DPP4: variants seen among roughly 807,000 people sequenced by gnomAD.
The protein encoded by DPP4 is dipeptidyl peptidase 4, also known as ADCP-2.
A neutral mutation model predicts 122.4 loss-of-function variants in DPP4; 93 were observed. The observed-to-expected ratio is 0.76, with a 90% confidence interval of 0.64 to 0.90. The LOEUF (loss-of-function observed/expected upper bound fraction) is 0.90. Among genes scored for constraint, DPP4 ranks in the 40% least tolerant of loss-of-function variants. The probability of loss-of-function intolerance (pLI) is 0.00; values close to 1 mark genes in which losing one functional copy is unlikely to be tolerated. For synonymous variants in DPP4, 321 were observed against 302.9 expected (o/e 1.06, Z -0.62); for missense variants, 914 against 907.3 (o/e 1.01, Z -0.09).
At chr2:162,032,594 G>A (rs917229624) in intron 10 of DPP4, among the ~76,000 whole-genome samples, 2 of 151,906 alleles carry the variant, frequency 1.3e-5, no homozygotes, top group African/African-American at 2.4e-5. Context: ...CAGGAGAATC[G>A]CTTGAACCTG....
intron 23 of DPP4, among the ~76,000 whole-genome samples, chr2:162,000,894 C>A (rs868218810): frequency 6.6e-6 from 1 of 152,164 alleles, no homozygotes; most frequent in African/African-American, 2.4e-5. Flanking sequence ...TATGTCCTGT[C>A]TTCTTGGCCA....
At chr2:162,017,073 T>C (rs1576041534) in intron 17 of DPP4, 35 bp downstream of exon 17, 1 of 1,598,038 alleles carries the variant, frequency 6.3e-7, no homozygotes, top group Non-Finnish European at 8.5e-7. Flanking sequence ...CACACTTTCT[T>C]AGAAACAAAT....
Position 162,009,302 on chromosome 2 carries a change from C to T in DPP4, c.1833-7G>A, listed in dbSNP as rs1576037156. 6.2e-7 allele frequency: 1 copy of T among 1,613,540 alleles called. No homozygotes were observed. Among genetic ancestry groups the T allele is most frequent in the East Asian group, 2.2e-5 (1 of 44,856 alleles). On this transcript the variant is annotated splice_polypyrimidine_tract_variant and splice_region_variant and intron_variant, in intron 20 of 25. Coordinates refer to ENST00000360534, the MANE Select transcript of DPP4 (RefSeq NM_001935.4). ...TCCCATTTTTGAAAATTGTCTAAAA[C>T]ACAAGGAAAAAGTCCACAGATCAGT...
In DPP4 at chr2:161,995,069, T is replaced by G; in HGVS notation, c.2126-35A>C. 3 of 1,609,344 alleles carry G rather than the reference T, an allele frequency of 1.9e-6. No homozygotes were observed. The South Asian group carries it at 3.3e-5, about 18-fold the overall frequency. On this transcript the variant is annotated intron_variant, in intron 24 of 25. Coordinates refer to ENST00000360534, the MANE Select transcript of DPP4 (RefSeq NM_001935.4). ...GAGAAAGGAAACATAAAGTAGCTAATAGCCACTCCAGTTTTCTGGTACCAA... is the reference window on the plus strand; with the variant it reads ...GAGAAAGGAAACATAAAGTAGCTAAGAGCCACTCCAGTTTTCTGGTACCAA...
intron 9 of DPP4, among the ~76,000 whole-genome samples, chr2:162,033,889 T>TATATATATATATATAC (rs1302435212): frequency 7.0e-6 from 1 of 142,460 alleles, no homozygotes; most frequent in Admixed American, 6.9e-5. Flanking sequence ...TATATATATA[T>TATATATATATATATAC]ATATACACAC....
At chr2:162,041,582 T>A (rs1283365194) in intron 5 of DPP4, among the ~76,000 whole-genome samples, 4 of 152,184 alleles carry the variant, frequency 2.6e-5, no homozygotes. Context: ...CATACATTCC[T>A]TTCTTGAATC....
chr2:162,010,561 T>C (rs966502999), intron 20 of DPP4, among the ~76,000 whole-genome samples: 2 of 152,156 alleles, frequency 1.3e-5, no homozygotes, highest in Admixed American at 6.5e-5. Flanking sequence ...GGGTTGTATA[T>C]AGTAGATCCT....
At chr2:161,998,327 T>C (rs1701056853) in intron 23 of DPP4, among the ~76,000 whole-genome samples, 1 of 152,200 alleles carries the variant, frequency 6.6e-6, no homozygotes, top group South Asian at 2.1e-4. Context: ...GGTGCCCCCA[T>C]GTGAGTCCTC....
intron 5 of DPP4, among the ~76,000 whole-genome samples, chr2:162,042,047 T>A (rs1361781166): frequency 1.3e-5 from 2 of 152,138 alleles, no homozygotes; most frequent in Non-Finnish European, 2.9e-5. Context: ...AGAGGGTGAC[T>A]GGGAAAGAGT....
In DPP4 at chr2:162,037,748, T is replaced by TAA. The variant is rs752356109; in HGVS notation, c.613+552_613+553dup. 3.3e-5 allele frequency among the ~76,000 whole-genome samples: 5 copies of TAA among 152,190 alleles called. No individual in the cohort carries two copies. In the East Asian group the frequency reaches 9.6e-4, roughly 29 times the overall value. Reference sequence around the variant, plus strand: ...TCCTAAAAGGGAGAATATTCCTTTTTAACTTTTTTAGTTTTATTAGTCACT... The same window carrying TAA: ...TCCTAAAAGGGAGAATATTCCTTTTTAAAACTTTTTTAGTTTTATTAGTCACT... On this transcript the variant is annotated intron_variant, in intron 8 of 25. Coordinates refer to ENST00000360534, the MANE Select transcript of DPP4 (RefSeq NM_001935.4).
intron 21 of DPP4, 51 bp from the exon 22 acceptor site, chr2:162,008,712 TG>T (rs1238364022): frequency 6.6e-7 from 1 of 1,507,160 alleles, no homozygotes; most frequent in Non-Finnish European, 9.2e-7. Context: ...TAAGGACATA[TG>T]GTAAGCGAGT....
Position 162,047,384 on chromosome 2 carries a change from T to A in DPP4, c.193+19A>T, listed in dbSNP as rs1252470701. 1 of 1,463,942 alleles carries A rather than the reference T, an allele frequency of 6.8e-7. No homozygotes were observed. Among genetic ancestry groups the A allele is most frequent in the African/African-American group, 1.4e-5 (1 of 72,218 alleles). The allele number at this position is 1,463,942 out of a possible 1,614,324, so 90.7% of individuals were successfully genotyped here. ...ATGAATGTAAGCATAAAATCTGCCC[T>A]ACCCCAAAAAATTCTTACCTGAAAT... On this transcript the variant is annotated intron_variant, in intron 3 of 25. Coordinates refer to ENST00000360534, the MANE Select transcript of DPP4 (RefSeq NM_001935.4).
At chr2:162,020,405 A>G in intron 13 of DPP4, 109 bp from the exon 14 acceptor site, 1 of 1,131,054 alleles carries the variant, frequency 8.8e-7, no homozygotes, top group South Asian at 1.5e-5. Flanking sequence ...ATAACCTTGG[A>G]TTTTCTTGTT....
chr2:162,012,467 C>T (rs1682736954), intron 19 of DPP4, among the ~76,000 whole-genome samples: 1 of 152,140 alleles, frequency 6.6e-6, no homozygotes, highest in Admixed American at 6.5e-5. Flanking sequence ...GCACCCGGCA[C>T]AGTCTTGCTC....
intron 23 of DPP4, among the ~76,000 whole-genome samples, chr2:161,996,597 T>C (rs1203676250): frequency 6.6e-6 from 1 of 152,188 alleles, no homozygotes; most frequent in Admixed American, 6.5e-5. Context: ...TTCTATAAGA[T>C]TGGAATAGAG....
In DPP4 at chr2:162,039,150, A is replaced by G. The variant is rs1345049473; in HGVS notation, c.401T>C (p.Ile134Thr). The change falls in exon 6 of 26, where the codon ATT becomes ACT. Residue 134 changes from isoleucine to threonine, a missense_variant. Transcript: ENST00000360534. ...WRHSYTASYD[I>T]YDLNKRQLIT... Reference sequence around the variant, plus strand: ...CACTGACCTTTTATTTAAATCATAAATGTCATATGAAGCTGTGTAGGAATG... The same window carrying G: ...CACTGACCTTTTATTTAAATCATAAGTGTCATATGAAGCTGTGTAGGAATG... 6.2e-7 allele frequency: 1 copy of G among 1,612,974 alleles called. No homozygotes were observed. Among genetic ancestry groups the G allele is most frequent in the Admixed American group, 1.7e-5 (1 of 59,912 alleles).
chr2:162,056,080 A>G (rs1684563598), intron 2 of DPP4, among the ~76,000 whole-genome samples: 1 of 152,020 alleles, frequency 6.6e-6, no homozygotes, highest in Admixed American at 6.6e-5. Flanking sequence ...TGTTTATTTA[A>G]ATGCTGCATT....
intron 10 of DPP4, among the ~76,000 whole-genome samples, chr2:162,033,190 G>A (rs974584857): frequency 2.6e-5 from 4 of 152,030 alleles, no homozygotes; most frequent in African/African-American, 9.7e-5. Flanking sequence ...CCCCTCATCG[G>A]CCCCATCCAT....
In DPP4 at chr2:161,998,135, C is replaced by T. The variant is rs140916641; in HGVS notation, c.2053-2763G>A. Among the ~76,000 whole-genome samples the T allele has an allele frequency of 2.2e-3, 333 of 152,262 alleles. 1 individual carries two copies. Among genetic ancestry groups the T allele is most frequent in the African/African-American group, 7.6e-3 (315 of 41,544 alleles). ...ATTTGGGAGGCATACTTTGTGACTA[C>T]GCAAGTGACGTATAGCCTAATGGGG... On this transcript the variant is annotated intron_variant, in intron 23 of 25. Transcript: ENST00000360534.
Sources: gnomAD v4.1 joint callset for allele counts (sites outside exome capture counted in the v4.1 genomes callset) on GRCh38, gnomAD v4.1.1 for gene constraint, MANE v1.5 for transcripts, NCBI Gene and HGNC (gene_info 2026-07-23, HGNC 2026-07-21) for gene names.